The following ANK2 variants were observed in gnomAD, a reference collection of about 807,000 sequenced individuals.
The protein encoded by ANK2 is ankyrin 2, also known as ankyrin-2.
ANK2 carries 83 observed loss-of-function variants against 360.5 expected under a neutral mutation model. That is an observed-to-expected ratio of 0.23 (90% confidence interval 0.19 to 0.28). The LOEUF is 0.28. Ranked by LOEUF, ANK2 falls within the 10% of genes least tolerant of loss-of-function variation. The pLI, the probability that ANK2 is intolerant of heterozygous loss-of-function variation, is 1.00. For synonymous variants in ANK2, 1,740 were observed against 1,759.5 expected (o/e 0.99, Z 0.28); for missense variants, 4,201 against 4,795.7 (o/e 0.88, Z 3.66).
At position 113,264,959 on chromosome 4, in the gene ANK2, C is replaced by T. The variant is rs763808746; in HGVS notation, c.1449C>T (p.Leu483=). 5 of 1,568,136 alleles carry T rather than the reference C, an allele frequency of 3.2e-6. No homozygotes were observed. Among genetic ancestry groups the T allele is most frequent in the Non-Finnish European group, 4.3e-6 (5 of 1,155,422 alleles). Reference sequence around the variant, plus strand: ...GGCAGGTGGAAGTGGTCCGATGCCTCCTGAGAAATGGTGCCCTTGTTGATG... The same window carrying T: ...GGCAGGTGGAAGTGGTCCGATGCCTTCTGAGAAATGGTGCCCTTGTTGATG... ...RAGQVEVVRC[L]LRNGALVDAR... is the part of the protein sequence containing the mutation. Residue 483 remains leucine (L), a synonymous_variant, in exon 14 of 46, where the codon CTC becomes CTT. Transcript: ENST00000357077.
chr4:113,077,733 T>A (rs1192086386), intron 1 of ANK2, among the ~76,000 whole-genome samples: 1 of 152,228 alleles, frequency 6.6e-6, no homozygotes, highest in Non-Finnish European at 1.5e-5. Flanking sequence ...TTTACTTTGC[T>A]TCTGTGCAAA....
intron 30 of ANK2, 144 bp from the exon 31 acceptor site, chr4:113,336,433 T>C (rs1243314466): frequency 9.8e-6 from 8 of 817,298 alleles, no homozygotes; most frequent in African/African-American, 3.5e-5. Flanking sequence ...ACTGAACTTA[T>C]GATTGCCATA....
At chr4:113,373,630 C>T in intron 45 of ANK2, 181 bp downstream of exon 45, 3 of 782,816 alleles carry the variant, frequency 3.8e-6, no homozygotes, top group South Asian at 1.4e-5. Flanking sequence ...AGACAGCCAT[C>T]AGGGAGACTT....
intron 2 of ANK2, among the ~76,000 whole-genome samples, chr4:112,953,466 G>A (rs763033959): frequency 1.3e-5 from 2 of 152,362 alleles, no homozygotes; most frequent in Admixed American, 6.5e-5. Context: ...GGACAGCCCT[G>A]CCTATTGTTC....
At chr4:112,864,954 C>A (rs907838455) in intron 1 of ANK2, among the ~76,000 whole-genome samples, 5 of 138,536 alleles carry the variant, frequency 3.6e-5, no homozygotes, top group Non-Finnish European at 7.5e-5. Context: ...ATGGCGTGAA[C>A]CCAGGAGGCG....
At chr4:112,867,042 A>C (rs2150192294) in intron 1 of ANK2, among the ~76,000 whole-genome samples, 1 of 152,162 alleles carries the variant, frequency 6.6e-6, no homozygotes, top group Non-Finnish European at 1.5e-5. Context: ...TTCTTCTTGA[A>C]TACACTTTAA....
intron 9 of ANK2, among the ~76,000 whole-genome samples, chr4:113,244,529 A>G (rs994568447): frequency 2.6e-5 from 4 of 152,208 alleles, no homozygotes; most frequent in Non-Finnish European, 5.9e-5. Context: ...AATTGGGAAG[A>G]GGTGTGCAAA....
chr4:113,285,220 A>G (rs2063947340), intron 18 of ANK2, among the ~76,000 whole-genome samples: 1 of 152,044 alleles, frequency 6.6e-6, no homozygotes, highest in Non-Finnish European at 1.5e-5. Flanking sequence ...TCATCAACAC[A>G]GAAGACTTCT....
chr4:113,252,055 T>G (rs2046745135), intron 10 of ANK2, among the ~76,000 whole-genome samples: 1 of 152,090 alleles, frequency 6.6e-6, no homozygotes, highest in African/African-American at 2.4e-5. Context: ...GTTTAATGGA[T>G]TCACAGTTCC....
chr4:113,104,186 A>C (rs557881368), intron 1 of ANK2, among the ~76,000 whole-genome samples: 1 of 152,282 alleles, frequency 6.6e-6, no homozygotes, highest in South Asian at 2.1e-4. Flanking sequence ...TTTGTTCAAA[A>C]GTTAGATGCT....
intron 2 of ANK2, among the ~76,000 whole-genome samples, chr4:113,014,857 T>C (rs996461755): frequency 3.0e-4 from 39 of 130,160 alleles, no homozygotes; most frequent in African/African-American, 1.1e-3. Context: ...GCTTTTTTTT[T>C]TTTTTTTTTT....
At chr4:112,822,086 C>G (rs2057225462) in intron 1 of ANK2, among the ~76,000 whole-genome samples, 1 of 151,858 alleles carries the variant, frequency 6.6e-6, no homozygotes. Flanking sequence ...TTATACAAAC[C>G]TATTCATGGT....
chr4:112,770,471 C>T, the ANK2 span, among the ~76,000 whole-genome samples: 1 of 152,246 alleles, frequency 6.6e-6, no homozygotes, highest in South Asian at 2.1e-4. Context: ...TTTGGGAGGC[C>T]GATGAGGGTG....
rs751825640 is a variant in ANK2 at position 113,341,895 on chromosome 4, G to A, written c.4101G>A (p.Val1367=). 2 of 1,613,112 alleles carry A rather than the reference G, an allele frequency of 1.2e-6. No individual in the cohort carries two copies. The highest frequency in any genetic ancestry group is 2.7e-5 in the African/African-American group (2 of 74,878). ...TLEQQENFAE[V]ARSRDVEVLE... ...AACAACAAGAAAATTTTGCTGAGGT[G>A]GCCAGAAGCAGGGATGTGGAGGTAC... Residue 1367 remains valine (V), a synonymous_variant, in exon 33 of 46, where the codon GTG becomes GTA. Coordinates refer to ENST00000357077, the MANE Select transcript of ANK2 (RefSeq NM_001148.6).
the ANK2 span, among the ~76,000 whole-genome samples, chr4:112,806,748 T>C: frequency 6.6e-6 from 1 of 152,014 alleles, no homozygotes; most frequent in African/African-American, 2.4e-5. Flanking sequence ...GAGGATTACT[T>C]GGGCCCAGGG....
At chr4:113,006,105 A>G (rs1224864116) in intron 2 of ANK2, among the ~76,000 whole-genome samples, 2 of 152,190 alleles carry the variant, frequency 1.3e-5, no homozygotes, top group East Asian at 3.9e-4. Flanking sequence ...GGACTAACAC[A>G]TAGGGAGACT....
chr4:113,103,748 A>G (rs954122094), intron 1 of ANK2, among the ~76,000 whole-genome samples: 1 of 152,180 alleles, frequency 6.6e-6, no homozygotes, highest in Non-Finnish European at 1.5e-5. Flanking sequence ...AAAGTCAGCT[A>G]TGTAAAGCTG....
chr4:113,296,011 A>G (rs539592802), intron 22 of ANK2, among the ~76,000 whole-genome samples: 1 of 150,970 alleles, frequency 6.6e-6, no homozygotes, highest in East Asian at 1.9e-4. Context: ...TTTCCACATA[A>G]TGTATTGTTA....
At chr4:112,984,673 G>A (rs560245458) in intron 2 of ANK2, among the ~76,000 whole-genome samples, 38 of 152,284 alleles carry the variant, frequency 2.5e-4, no homozygotes, top group Non-Finnish European at 1.0e-4. Context: ...GGCTTCCTGT[G>A]TAAAGAATAA....
Sources: allele counts gnomAD v4.1 joint callset (sites outside exome capture counted in the v4.1 genomes callset), GRCh38; gene constraint gnomAD v4.1.1; transcripts MANE v1.5; gene names NCBI Gene and HGNC (gene_info 2026-07-23, HGNC 2026-07-21).